TENM3: variants seen among roughly 807,000 people sequenced by gnomAD.
The protein encoded by TENM3 is teneurin transmembrane protein 3, also known as teneurin-3.
A neutral mutation model predicts 255.1 loss-of-function variants in TENM3; 63 were observed. That is an observed-to-expected ratio of 0.25 (90% CI 0.20 to 0.30). TENM3 has a LOEUF of 0.30. Among genes scored for constraint, TENM3 ranks in the 10% least tolerant of loss-of-function variants. The pLI is 1.00. For synonymous variants in TENM3, 1,306 were observed against 1,322.3 expected (o/e 0.99, Z 0.27); for missense variants, 2,929 against 3,461.1 (o/e 0.85, Z 3.86).
the TENM3 span, among the ~76,000 whole-genome samples, chr4:181,618,456 C>G: frequency 2.0e-5 from 3 of 152,318 alleles, no homozygotes; most frequent in East Asian, 5.8e-4. Flanking sequence ...AGGGTGATTT[C>G]AGTGTCAGTT....
chr4:181,967,002 T>G, the TENM3 span, among the ~76,000 whole-genome samples: 18 of 151,988 alleles, frequency 1.2e-4, no homozygotes, highest in Non-Finnish European at 7.4e-5. Flanking sequence ...TCTCTCTCTC[T>G]CTCGCTCTCT....
chr4:181,641,554 G>GTGTGTATATA, the TENM3 span, among the ~76,000 whole-genome samples: 10 of 26,910 alleles, frequency 3.7e-4, no homozygotes, highest in African/African-American at 1.4e-3. Context: ...TGGTGTGTGT[G>GTGTGTATATA]TATATATATA....
the TENM3 span, among the ~76,000 whole-genome samples, chr4:182,090,993 T>G: frequency 6.6e-6 from 1 of 152,222 alleles, no homozygotes; most frequent in African/African-American, 2.4e-5. Flanking sequence ...TTGTATACAT[T>G]AGATGCTTTA....
At chr4:182,122,326 G>T in the TENM3 span, among the ~76,000 whole-genome samples, 2 of 152,098 alleles carry the variant, frequency 1.3e-5, no homozygotes, top group Non-Finnish European at 2.9e-5. Flanking sequence ...TTTCCAGAAG[G>T]TTTTCAACTG....
chr4:181,579,984 ATTTTATTTTATTTTATTTTAT>A, the TENM3 span, among the ~76,000 whole-genome samples: 1 of 74,728 alleles, frequency 1.3e-5, no homozygotes, highest in Non-Finnish European at 2.7e-5. Flanking sequence ...ATTTTATTTT[ATTTTATTTTATTTTATTTTAT>A]TTATTTTTTG....
the TENM3 span, among the ~76,000 whole-genome samples, chr4:182,056,565 G>C: frequency 1.2e-4 from 19 of 152,238 alleles, no homozygotes; most frequent in African/African-American, 4.3e-4. Context: ...CCTTTAAAAA[G>C]ACTGCAGCAA....
At chr4:181,490,150 A>G in the TENM3 span, among the ~76,000 whole-genome samples, 2 of 152,142 alleles carry the variant, frequency 1.3e-5, no homozygotes, top group African/African-American at 4.8e-5. Flanking sequence ...AGCATTTGTT[A>G]TTTCTTTCTG....
At chr4:182,110,299 A>G in the TENM3 span, among the ~76,000 whole-genome samples, 207 of 151,944 alleles carry the variant, frequency 1.4e-3, no homozygotes, top group African/African-American at 4.7e-3. Flanking sequence ...CCTATTCAAG[A>G]ATACAGTTAC....
chr4:182,683,505 C>T (rs1756331295), intron 11 of TENM3, among the ~76,000 whole-genome samples: 1 of 152,092 alleles, frequency 6.6e-6, no homozygotes, highest in Non-Finnish European at 1.5e-5. Context: ...AGTTTAAAAT[C>T]CAAATCACTT....
At chr4:182,775,247 T>C (rs934695670) in intron 24 of TENM3, 94 bp downstream of exon 24, 178 of 1,051,270 alleles carry the variant, frequency 1.7e-4, no homozygotes, top group Non-Finnish European at 2.4e-4. Flanking sequence ...CACCCCCCTA[T>C]GTCTACACTG....
the TENM3 span, among the ~76,000 whole-genome samples, chr4:181,539,899 T>C: frequency 6.6e-6 from 1 of 152,218 alleles, no homozygotes; most frequent in Admixed American, 6.5e-5. Flanking sequence ...GTACAACTAT[T>C]TGGGCATATT....
At chr4:181,732,074 A>G in the TENM3 span, among the ~76,000 whole-genome samples, 8 of 152,330 alleles carry the variant, frequency 5.3e-5, no homozygotes, top group Middle Eastern at 3.4e-3. Context: ...GAAAAAAGTT[A>G]TCTTGCATAT....
At chr4:181,673,842 T>C in the TENM3 span, among the ~76,000 whole-genome samples, 1 of 140,344 alleles carries the variant, frequency 7.1e-6, no homozygotes, top group Middle Eastern at 3.6e-3. Flanking sequence ...GTCAGAAGTG[T>C]GTGGTGTGTG....
intron 3 of TENM3, among the ~76,000 whole-genome samples, chr4:182,419,697 AG>A (rs1198462686): frequency 9.2e-5 from 14 of 152,326 alleles, no homozygotes; most frequent in Admixed American, 7.2e-4. Flanking sequence ...GCCATGAAAA[AG>A]AATGAGTTCT....
the TENM3 span, among the ~76,000 whole-genome samples, chr4:181,546,039 T>A: frequency 6.6e-6 from 1 of 152,314 alleles, no homozygotes; most frequent in Non-Finnish European, 1.5e-5. Context: ...ACACACGGCC[T>A]GTTATTGCCA....
chr4:181,618,580 T>C, the TENM3 span, among the ~76,000 whole-genome samples: 4 of 152,164 alleles, frequency 2.6e-5, no homozygotes, highest in East Asian at 5.8e-4. Flanking sequence ...ATTTGGAAAA[T>C]TCAGAAGTCT....
At chr4:181,771,192 G>T in the TENM3 span, among the ~76,000 whole-genome samples, 1 of 152,148 alleles carries the variant, frequency 6.6e-6, no homozygotes, top group Non-Finnish European at 1.5e-5. Context: ...AATATGTGAA[G>T]AATTTCTACA....
At chr4:182,395,668 T>G (rs1768757354) in intron 3 of TENM3, among the ~76,000 whole-genome samples, 1 of 152,212 alleles carries the variant, frequency 6.6e-6, no homozygotes, top group African/African-American at 2.4e-5. Context: ...TAAATGCATA[T>G]GCTTTTTAAA....
intron 3 of TENM3, among the ~76,000 whole-genome samples, chr4:182,487,487 A>G (rs747289556): frequency 6.6e-6 from 1 of 152,148 alleles, no homozygotes; most frequent in Non-Finnish European, 1.5e-5. Flanking sequence ...TAGAATTAAT[A>G]AACCCAGTTC....
Sources: gnomAD v4.1 joint callset for allele counts (sites outside exome capture counted in the v4.1 genomes callset) on GRCh38, gnomAD v4.1.1 for gene constraint, MANE v1.5 for transcripts, NCBI Gene and HGNC (gene_info 2026-07-23, HGNC 2026-07-21) for gene names.